POMC: variants seen among roughly 807,000 people sequenced by gnomAD.
POMC encodes the protein pro-opiomelanocortin.
Under a neutral mutation model 18.5 loss-of-function variants are expected in POMC, and 19 were observed. That is an observed-to-expected ratio of 1.03 (90% confidence interval 0.72 to 1.51). POMC has a LOEUF of 1.51. POMC is among the 40% of genes most tolerant of loss of function. The probability of loss-of-function intolerance (pLI) is 0.00; values close to 1 mark genes in which losing one functional copy is unlikely to be tolerated. For missense variants in POMC, 451 were observed against 379.0 expected (o/e 1.19, Z -1.58); for synonymous variants, 179 against 161.9 (o/e 1.11, Z -0.80).
In POMC at chr2:25,164,636, C is replaced by T. The variant is rs200057379; in HGVS notation, c.132+5G>A. ...AAGCCAAGATGGCAGTCATGGCCCA[C>T]GTACCAGCAGGTTGCTTTCCGTGGT... is the stretch of plus-strand genomic sequence containing the variant. On this transcript the variant is annotated splice_donor_5th_base_variant and intron_variant, in intron 2 of 2. Transcript: ENST00000395826. 12 of 1,614,036 alleles carry T rather than the reference C, an allele frequency of 7.4e-6. No individual in the cohort carries two copies. Among genetic ancestry groups the T allele is most frequent in the Admixed American group, 5.0e-5 (3 of 60,020 alleles).
Position 25,161,896 on chromosome 2 carries a change from G to T in POMC, c.133-144C>A. The T allele has an allele frequency of 7.2e-7, 1 of 1,382,290 alleles. No homozygotes were observed. The highest frequency in any genetic ancestry group is 9.5e-7 in the Non-Finnish European group (1 of 1,056,658). 85.6% of individuals were successfully genotyped at this position (1,382,290 alleles called of 1,614,324 possible). ...CAGTGTCGGGCGTGTCAAGCGTCGA[G>T]GCCTCCCTACAGAGCAGGTCTGCCC... On this transcript the variant is annotated intron_variant, in intron 2 of 2. Transcript: ENST00000395826. This position sits in a 1 kb window ranked among gnomAD's most constrained non-coding sequence, Gnocchi z 5.7.
At chr2:25,162,664 G>A (rs1355010147) in intron 2 of POMC, among the ~76,000 whole-genome samples, 2 of 151,564 alleles carry the variant, frequency 1.3e-5, no homozygotes, top group Non-Finnish European at 2.9e-5. Flanking sequence ...AGGGGAGATC[G>A]CGCCACTGCA....
In POMC at chr2:25,161,599, C is replaced by CGCTGCTGCT. The variant is rs756169657; in HGVS notation, c.277_285dup (p.Ser93_Ser95dup). ...CGCTTCTGCCCTGCGCCGCTGCTGC[C>CGCTGCTGCT]GCTGCTGCTGCTGTTGCGGCGGCCG... On this transcript the variant is annotated inframe_insertion, in exon 3 of 3. Transcript: ENST00000395826. This position sits in a 1 kb window ranked among gnomAD's most constrained non-coding sequence, Gnocchi z 5.7. 104 of 1,556,836 alleles carry CGCTGCTGCT rather than the reference C, an allele frequency of 6.7e-5. No homozygotes were observed. The highest frequency in any genetic ancestry group is 3.3e-4 in the Middle Eastern group (2 of 5,988).
rs1042571 is a variant in POMC, at chr2:25,161,018, G to A, written c.*63C>T. The A allele has an allele frequency of 0.17, 275,921 of 1,607,892 alleles. 25,613 individuals are homozygous for A. The highest frequency in any genetic ancestry group is 0.19 in the Middle Eastern group (1,160 of 5,986). The stretch of plus-strand genomic sequence containing the variant: ...GCTGGGAGGCGGCAGCAGGGCAGGG[G>A]AGAGCAAGGGGCTTTGGGGTCGACC... On this transcript the variant is annotated 3_prime_UTR_variant, in exon 3 of 3. Transcript: ENST00000395826. This position sits in a 1 kb window ranked among gnomAD's most constrained non-coding sequence, Gnocchi z 5.7.
chr2:25,164,964 A>T (rs552737194), intron 1 of POMC, 172 bp from the exon 2 acceptor site: 1 of 583,006 alleles, frequency 1.7e-6, no homozygotes, highest in African/African-American at 2.7e-5. Flanking sequence ...GCGGTGGTAT[A>T]AGTTGTGATA....
Position 25,161,644 on chromosome 2 carries a change from G to A in POMC, c.241C>T (p.His81Tyr). Reference protein sequence around the residue: ...TENPRKYVMGHFRWDRFGRRN... With the variant: ...TENPRKYVMGYFRWDRFGRRN... ...CGGCCGAATCGGTCCCAGCGGAAGTGGCCCATGACGTACTTCCGGGGGTTC... is the reference window on the plus strand; with the variant it reads ...CGGCCGAATCGGTCCCAGCGGAAGTAGCCCATGACGTACTTCCGGGGGTTC... The change falls in exon 3 of 3, where the codon CAC (histidine) becomes TAC (tyrosine). Residue 81 changes from histidine (H) to tyrosine (Y), a missense_variant. Physicochemically the swap from His to Tyr is moderately conservative, Grantham distance 83 (BLOSUM62 2). Coordinates refer to ENST00000395826, the MANE Select transcript of POMC (RefSeq NM_000939.4). This position sits in a 1 kb window ranked among gnomAD's most constrained non-coding sequence, Gnocchi z 5.7. 1 of 1,554,326 alleles carries A rather than the reference G, an allele frequency of 6.4e-7. No individual in the cohort carries two copies. The highest frequency in any genetic ancestry group is 8.7e-7 in the Non-Finnish European group (1 of 1,149,778).
Position 25,164,763 on chromosome 2 carries a change from A to G in POMC, c.10T>C (p.Ser4Pro), listed in dbSNP as rs1288272114. The G allele has an allele frequency of 6.2e-7, 1 of 1,613,852 alleles. No homozygotes were observed. Among genetic ancestry groups the G allele is most frequent in the Admixed American group, 1.7e-5 (1 of 60,020 alleles). ...AGGGCCCCCGAGCGGCTGCAGCACG[A>G]TCTCGGCATCTTCCAGGCAGGCTGA... is the stretch of plus-strand genomic sequence containing the variant. The part of the protein sequence containing the change: MPR[S>P]CCSRSGALLL... The change falls in exon 2 of 3, where the codon TCG becomes CCG. Residue 4 changes from serine (S) to proline (P), a missense_variant. By Grantham distance (74) the Ser-to-Pro change is moderately conservative. Transcript: ENST00000395826.
chr2:25,163,139 A>G (rs150572792), intron 2 of POMC, among the ~76,000 whole-genome samples: 2 of 152,172 alleles, frequency 1.3e-5, no homozygotes, highest in Non-Finnish European at 2.9e-5. Flanking sequence ...GATCCTACCC[A>G]CTCTGTTGAG....
intron 2 of POMC, 92 bp downstream of exon 2, chr2:25,164,549 A>G: frequency 2.5e-6 from 4 of 1,584,030 alleles, no homozygotes; most frequent in Non-Finnish European, 3.5e-6. Flanking sequence ...CTGGGAATGA[A>G]TTTCCCTTTC....
Position 25,160,983 on chromosome 2 carries a change from GA to G in POMC, c.*97del. 2 of 1,562,852 alleles carry G rather than the reference GA, an allele frequency of 1.3e-6. No individual in the cohort carries two copies. Among genetic ancestry groups the G allele is most frequent in the East Asian group, 2.3e-5 (1 of 44,288 alleles). On this transcript the variant is annotated 3_prime_UTR_variant, in exon 3 of 3. Coordinates refer to ENST00000395826, the MANE Select transcript of POMC (RefSeq NM_000939.4). ...CTTTAAGAGGCTGATTATCTGCCAC[GA>G]CCCCCCAGGCTGGGAGGCGGCAGCA...
At chr2:25,164,224 G>A (rs1426220469) in intron 2 of POMC, among the ~76,000 whole-genome samples, 4 of 152,030 alleles carry the variant, frequency 2.6e-5, no homozygotes, top group African/African-American at 4.8e-5. Flanking sequence ...TTTTGCAACC[G>A]GTAGTAGATA....
rs1486788078 is a variant in POMC, at chr2:25,161,245, C to T, written c.640G>A (p.Glu214Lys). 2 of 1,611,916 alleles carry T rather than the reference C, an allele frequency of 1.2e-6. No individual in the cohort carries two copies. Among genetic ancestry groups the T allele is most frequent in the Non-Finnish European group, 1.7e-6 (2 of 1,179,164 alleles). ...DLEHSLLVAAEKKDEGPYRME... is the reference protein window; with the variant it reads ...DLEHSLLVAAKKKDEGPYRME... ...CTGTAGGGGCCCTCGTCCTTCTTCT[C>T]GGCCGCCACCAGCAGGCTGTGCTCC... is the stretch of plus-strand genomic sequence containing the variant. Residue 214 changes from glutamate (E) to lysine (K), a missense_variant, in exon 3 of 3, where the codon GAG (glutamate) becomes AAG (lysine). Glu to Lys is a moderately conservative substitution (Grantham distance 56). Coordinates refer to ENST00000395826, the MANE Select transcript of POMC (RefSeq NM_000939.4). This position sits in a 1 kb window ranked among gnomAD's most constrained non-coding sequence, Gnocchi z 5.7.
chr2:25,161,075 G>A lies in POMC; in HGVS notation c.*6C>T. On this transcript the variant is annotated 3_prime_UTR_variant, in exon 3 of 3. Coordinates refer to ENST00000395826, the MANE Select transcript of POMC (RefSeq NM_000939.4). This position sits in a 1 kb window ranked among gnomAD's most constrained non-coding sequence, Gnocchi z 5.7. ...GGGAGGGTAGCCCTGGGGCCCCGCT[G>A]TGCCCTCACTCGCCCTTCTTGTAGG... 4 of 1,614,086 alleles carry A rather than the reference G, an allele frequency of 2.5e-6. No homozygotes were observed. The highest frequency in any genetic ancestry group is 8.5e-7 in the Non-Finnish European group (1 of 1,180,008).
At chr2:25,165,324 A>G (rs1403866375) in intron 1 of POMC, among the ~76,000 whole-genome samples, 1 of 152,224 alleles carries the variant, frequency 6.6e-6, no homozygotes, top group African/African-American at 2.4e-5. Context: ...CATTCCTCTG[A>G]AACTCTATTT....
chr2:25,162,943 G>A (rs749678934), intron 2 of POMC, among the ~76,000 whole-genome samples: 15 of 151,886 alleles, frequency 9.9e-5, no homozygotes, highest in Non-Finnish European at 1.9e-4. Context: ...GAAAGCTAGC[G>A]TTATTTCCAT....
Position 25,160,879 on chromosome 2 carries a change from T to C in POMC, c.*202A>G, listed in dbSNP as rs566456581. ...CTGTTATTTGACGGCTACGTATTTT[T>C]ACTTTATTCACACAGTTTACATTCA... On this transcript the variant is annotated 3_prime_UTR_variant, in exon 3 of 3. Transcript: ENST00000395826. 3.5e-6 allele frequency: 3 copies of C among 867,340 alleles called. No individual in the cohort carries two copies. The East Asian group carries it at 8.0e-5, about 23-fold the overall frequency. 53.7% of individuals were successfully genotyped at this position (867,340 alleles called of 1,614,324 possible). A position where few individuals can be genotyped will look rare whatever the true frequency, so the allele number is the denominator to read the frequency against.
At position 25,164,736 on chromosome 2, in the gene POMC, A is replaced by G. The variant is rs746202967; in HGVS notation, c.37T>C (p.Leu13=). 6 of 1,614,168 alleles carry G rather than the reference A, an allele frequency of 3.7e-6. No homozygotes were observed. In the South Asian group the frequency reaches 4.4e-5, roughly 12 times the overall value. ...RSCCSRSGAL[L]LALLLQASME... ...GAGGCCTGAAGCAGCAAGGCCAGCA[A>G]CAGGGCCCCCGAGCGGCTGCAGCAC... Residue 13 remains leucine, a synonymous_variant, in exon 2 of 3, where the codon TTG becomes CTG. Transcript: ENST00000395826.
In POMC at chr2:25,160,899, C is replaced by T; in HGVS notation, c.*182G>A. On this transcript the variant is annotated 3_prime_UTR_variant, in exon 3 of 3. Transcript: ENST00000395826. ...ATTTTTACTTTATTCACACAGTTTA[C>T]ATTCAAAGTCAGAGGTGGATGTGAA... The T allele has an allele frequency of 1.0e-6, 1 of 983,434 alleles. No individual in the cohort carries two copies. Among genetic ancestry groups the T allele is most frequent in the Non-Finnish European group, 1.5e-6 (1 of 685,892 alleles). 60.9% of individuals were successfully genotyped at this position (983,434 alleles called of 1,614,324 possible). A position where few individuals can be genotyped will look rare whatever the true frequency, so the allele number is the denominator to read the frequency against.
chr2:25,165,728 G>C (rs1671532132), intron 1 of POMC: 1 of 152,222 alleles, frequency 6.6e-6, no homozygotes, highest in African/African-American at 2.4e-5. Flanking sequence ...GGACAGTAAG[G>C]AGGGGGCATC....
Sources: gnomAD v4.1 joint callset for allele counts (sites outside exome capture counted in the v4.1 genomes callset) on GRCh38, gnomAD v4.1.1 for gene constraint, Gnocchi (gnomAD v3.1) non-coding constraint, MANE v1.5 for transcripts, NCBI Gene and HGNC (gene_info 2026-07-23, HGNC 2026-07-21) for gene names.